Variants in RALGAPB observed in about 807,000 individuals in gnomAD.
RALGAPB encodes ral GTPase-activating protein subunit beta.
In RALGAPB, 25 loss-of-function variants were observed where a neutral mutation model predicts 161.1. That is an observed-to-expected ratio of 0.16 (90% CI 0.11 to 0.22). The LOEUF (loss-of-function observed/expected upper bound fraction) is 0.22. RALGAPB is among the 10% of genes least tolerant of loss of function. The pLI is 1.00. For synonymous variants in RALGAPB, 629 were observed against 626.1 expected, an observed-to-expected ratio of 1.00 and a Z score of -0.07; for missense variants, 1,391 against 1,815.2, an observed-to-expected ratio of 0.77 and a Z score of 4.25.
At chr20:38,518,280 T>C (rs183135945) in intron 9 of RALGAPB, among the ~76,000 whole-genome samples, 160 of 152,310 alleles carry the variant, frequency 1.1e-3, no homozygotes, top group African/African-American at 3.8e-3. Context: ...TTTCTTTCAG[T>C]AGGTGACCTG....
chr20:38,516,879 C>T (rs1283862565), intron 7 of RALGAPB, among the ~76,000 whole-genome samples: 1 of 152,172 alleles, frequency 6.6e-6, no homozygotes, highest in East Asian at 1.9e-4. Flanking sequence ...AATTTTTTAA[C>T]CTGTTGAAAG....
rs1201133460 is a variant in RALGAPB, at chr20:38,576,261, T to C, written c.*1294T>C. 1 of 152,674 alleles carries C rather than the reference T, an allele frequency of 6.5e-6. No homozygotes were observed. Among genetic ancestry groups the C allele is most frequent in the African/African-American group, 2.4e-5 (1 of 41,462 alleles). 9.5% of individuals were successfully genotyped at this position (152,674 alleles called of 1,614,324 possible). A position where few individuals can be genotyped will look rare whatever the true frequency, so the allele number is the denominator to read the frequency against. On this transcript the variant is annotated 3_prime_UTR_variant, in exon 30 of 30. Transcript: ENST00000262879. ...GATTATTTTAAGAAAATAAGTGATATTTAAAGTCCAAAGAGGAATGATCAC... is the reference window on the plus strand; with the variant it reads ...GATTATTTTAAGAAAATAAGTGATACTTAAAGTCCAAAGAGGAATGATCAC...
chr20:38,540,884 A>G (rs1314956693), intron 17 of RALGAPB, among the ~76,000 whole-genome samples, 157 bp from the exon 18 acceptor site: 2 of 152,210 alleles, frequency 1.3e-5, no homozygotes, highest in Non-Finnish European at 2.9e-5. Context: ...AAAGTTTATT[A>G]TATTACTATG....
In RALGAPB at chr20:38,528,740, G is replaced by A. The variant is rs147771297; in HGVS notation, c.2051-2427G>A. On this transcript the variant is annotated intron_variant, in intron 13 of 29. Coordinates refer to ENST00000262879, the MANE Select transcript of RALGAPB (RefSeq NM_020336.4). ...GTGTCACCCAGGCTAGAGGGCAGTG[G>A]CATGATCTTGGCTTATTGCAACCTC... 2.6e-3 allele frequency among the ~76,000 whole-genome samples: 403 copies of A among 152,080 alleles called. 1 individual carries two copies. Among genetic ancestry groups the A allele is most frequent in the African/African-American group, 9.3e-3 (384 of 41,464 alleles).
In RALGAPB at chr20:38,493,051, C is replaced by T. The variant is rs1254183773; in HGVS notation, c.308C>T (p.Ser103Phe). 1 of 1,611,644 alleles carries T rather than the reference C, an allele frequency of 6.2e-7. No homozygotes were observed. The highest frequency in any genetic ancestry group is 8.5e-7 in the Non-Finnish European group (1 of 1,177,972). The stretch of plus-strand genomic sequence containing the variant: ...ATGGCTTTAGTGTTGCCAAAAGATT[C>T]TATTCCATTGCCAGTTATTAAAGAG... ...WIMALVLPKD[S>F]IPLPVIKEPN... Residue 103 changes from serine (S) to phenylalanine (F), a missense_variant, in exon 3 of 30, where the codon TCT (serine) becomes TTT (phenylalanine). This residue lies in a region of RALGAPB where 946 missense variants were observed against 1,257.2 expected (regional missense o/e 0.75). Coordinates refer to ENST00000262879, the MANE Select transcript of RALGAPB (RefSeq NM_020336.4).
chr20:38,505,128 T>C (rs567014217), intron 5 of RALGAPB, among the ~76,000 whole-genome samples: 9 of 152,260 alleles, frequency 5.9e-5, no homozygotes, highest in African/African-American at 2.2e-4. Context: ...CACATGCACT[T>C]TTATATATTG....
At chr20:38,526,106 G>A in intron 13 of RALGAPB, 64 bp downstream of exon 13, 1 of 1,555,962 alleles carries the variant, frequency 6.4e-7, no homozygotes, top group South Asian at 1.2e-5. Flanking sequence ...GCCTGCTGAG[G>A]AGGCGGCAGT....
At chr20:38,522,963 A>C (rs1322709490) in intron 10 of RALGAPB, among the ~76,000 whole-genome samples, 1 of 151,990 alleles carries the variant, frequency 6.6e-6, no homozygotes, top group South Asian at 2.1e-4. Flanking sequence ...TCTGCAGATC[A>C]TTTTCTCTTA....
At chr20:38,534,400 T>C (rs2086744083) in intron 15 of RALGAPB, 1 of 152,640 alleles carries the variant, frequency 6.6e-6, no homozygotes, top group Non-Finnish European at 1.5e-5. Context: ...ACAGGTATAA[T>C]GTCCCTAAAG....
chr20:38,570,673 A>G (rs1315425623), intron 27 of RALGAPB, 96 bp from the exon 28 acceptor site: 3 of 727,350 alleles, frequency 4.1e-6, no homozygotes, highest in Non-Finnish European at 7.2e-6. Flanking sequence ...TATATTTGCC[A>G]CTCACTTATG....
At position 38,525,788 on chromosome 20, in the gene RALGAPB, C is replaced by T; in HGVS notation, c.1903-107C>T. 4.2e-6 allele frequency: 5 copies of T among 1,189,570 alleles called. No individual in the cohort carries two copies. In the South Asian group the frequency reaches 7.5e-5, roughly 18 times the overall value. 73.7% of individuals were successfully genotyped at this position (1,189,570 alleles called of 1,614,324 possible). A position where few individuals can be genotyped will look rare whatever the true frequency, so the allele number is the denominator to read the frequency against. On this transcript the variant is annotated intron_variant, in intron 12 of 29. Coordinates refer to ENST00000262879, the MANE Select transcript of RALGAPB (RefSeq NM_020336.4). ...ATTCAGCACAGTGGCTAATATTAGA[C>T]TGAAAGCCTTTCTCATTATACTGAT...
Position 38,553,570 on chromosome 20 carries a change from A to G in RALGAPB, c.3163-297A>G, listed in dbSNP as rs565499224. 2.0e-5 allele frequency among the ~76,000 whole-genome samples: 3 copies of G among 152,254 alleles called. No individual in the cohort carries two copies. The East Asian group carries it at 5.8e-4, about 29-fold the overall frequency. On this transcript the variant is annotated intron_variant, in intron 21 of 29. Coordinates refer to ENST00000262879, the MANE Select transcript of RALGAPB (RefSeq NM_020336.4). The stretch of plus-strand genomic sequence containing the variant: ...ATGTTTGCTTAATGGCATACTCTAC[A>G]TTGAACTGAATCACAATGTTGATCA...
At chr20:38,529,932 C>G (rs1221011711) in intron 13 of RALGAPB, among the ~76,000 whole-genome samples, 2 of 152,210 alleles carry the variant, frequency 1.3e-5, no homozygotes, top group African/African-American at 4.8e-5. Flanking sequence ...TAAATCGTCT[C>G]AACTGTTGGG....
chr20:38,531,325 C>A, intron 14 of RALGAPB, 94 bp downstream of exon 14: 1 of 1,103,552 alleles, frequency 9.1e-7, no homozygotes, highest in Non-Finnish European at 1.3e-6. Flanking sequence ...ATTTTAAAGG[C>A]CTTTGGTTTG....
Position 38,472,887 on chromosome 20 carries a change from GCCTTCGTCGTC to G in RALGAPB, c.-208_-198del. On this transcript the variant is annotated 5_prime_UTR_variant, in exon 1 of 30. Coordinates refer to ENST00000262879, the MANE Select transcript of RALGAPB (RefSeq NM_020336.4). Reference sequence around the variant, plus strand: ...AGATCCCAGCCGGCTGGCTCGAGTGGCCTTCGTCGTCCCTTGGCGCCCTGGGAGAGTCGCTG... The same window carrying G: ...AGATCCCAGCCGGCTGGCTCGAGTGGCCTTGGCGCCCTGGGAGAGTCGCTG... The G allele has an allele frequency of 2.5e-6, 1 of 398,986 alleles. No individual in the cohort carries two copies. Among genetic ancestry groups the G allele is most frequent in the Non-Finnish European group, 4.4e-6 (1 of 225,998 alleles). 24.7% of individuals were successfully genotyped at this position (398,986 alleles called of 1,614,324 possible). A position where few individuals can be genotyped will look rare whatever the true frequency, so the allele number is the denominator to read the frequency against.
At chr20:38,484,469 T>G (rs527790718) in intron 1 of RALGAPB, among the ~76,000 whole-genome samples, 2 of 152,356 alleles carry the variant, frequency 1.3e-5, no homozygotes, top group South Asian at 4.1e-4. Flanking sequence ...AACTAGTATA[T>G]GCCTTTATCT....
At chr20:38,552,227 G>A (rs892854645) in intron 21 of RALGAPB, among the ~76,000 whole-genome samples, 5 of 149,544 alleles carry the variant, frequency 3.3e-5, no homozygotes, top group Admixed American at 2.7e-4. Flanking sequence ...TGCAATCTCC[G>A]CCTCCCGGGT....
At chr20:38,509,051 C>G (rs1350718956) in intron 5 of RALGAPB, 26 bp from the exon 6 acceptor site, 1 of 1,609,784 alleles carries the variant, frequency 6.2e-7, no homozygotes, top group Non-Finnish European at 8.5e-7. Context: ...AAGAAATGGA[C>G]TCAGTGGTGT....
chr20:38,489,824 T>A (rs2085223348), intron 2 of RALGAPB, among the ~76,000 whole-genome samples: 1 of 152,172 alleles, frequency 6.6e-6, no homozygotes, highest in Non-Finnish European at 1.5e-5. Flanking sequence ...CAGAGGACCC[T>A]AGATTTATCC....
Sources: allele counts gnomAD v4.1 joint callset (sites outside exome capture counted in the v4.1 genomes callset), GRCh38; gene constraint gnomAD v4.1.1; regional missense constraint gnomAD v4.1.1; transcripts MANE v1.5; gene names NCBI Gene and HGNC (gene_info 2026-07-23, HGNC 2026-07-21).